DGKB: variants seen among roughly 807,000 people sequenced by gnomAD.
The protein encoded by DGKB is 90 kDa diacylglycerol kinase.
In DGKB, 67 loss-of-function variants were observed where a neutral mutation model predicts 114.3. The ratio of observed to expected loss-of-function variants is 0.59; its 90% CI spans 0.48 to 0.72. The LOEUF (loss-of-function observed/expected upper bound fraction) is 0.72. DGKB is among the 30% of genes least tolerant of loss of function. DGKB has a pLI of 0.00. For missense variants in DGKB, 907 were observed against 975.2 expected, an observed-to-expected ratio of 0.93 and a Z score of 0.93; for synonymous variants, 398 against 323.1, an observed-to-expected ratio of 1.23 and a Z score of -2.49.
At chr7:14,403,204 C>G (rs952951102) in intron 21 of DGKB, among the ~76,000 whole-genome samples, 1 of 151,666 alleles carries the variant, frequency 6.6e-6, no homozygotes, top group African/African-American at 2.4e-5. Context: ...CACAGACTCT[C>G]TCTTTTAATT....
upstream of DGKB, among the ~76,000 whole-genome samples, chr7:14,904,423 G>T (rs1205944359): frequency 2.0e-5 from 3 of 152,118 alleles, no homozygotes; most frequent in South Asian, 4.2e-4. Flanking sequence ...GTTAATCAGG[G>T]TTAAATTAAA....
intron 21 of DGKB, among the ~76,000 whole-genome samples, chr7:14,474,826 AG>A (rs1217000805): frequency 8.3e-6 from 1 of 120,062 alleles, no homozygotes; most frequent in Admixed American, 9.6e-5. Context: ...ATAAATATTT[AG>A]TTTTTTTTTT....
At chr7:14,345,418 T>C in intron 21 of DGKB, 27 bp from the exon 22 acceptor site, 1 of 1,227,776 alleles carries the variant, frequency 8.1e-7, no homozygotes, top group Non-Finnish European at 1.2e-6. Context: ...AGAAGCACCT[T>C]AGGCAATTAT....
intron 17 of DGKB, among the ~76,000 whole-genome samples, chr7:14,606,392 C>G (rs143555556): frequency 0.017 from 2,625 of 152,102 alleles, 33 homozygotes; most frequent in Non-Finnish European, 0.023. Context: ...TGATCCCAGA[C>G]AGCAGGCAGC....
At chr7:14,321,327 C>T (rs146339963) in intron 23 of DGKB, among the ~76,000 whole-genome samples, 317 of 152,016 alleles carry the variant, frequency 2.1e-3, no homozygotes, top group Non-Finnish European at 3.8e-3. Flanking sequence ...TCCACATTCA[C>T]AGGATAAAGA....
chr7:14,633,706 GA>G (rs1563739266), intron 13 of DGKB, among the ~76,000 whole-genome samples: 2 of 151,582 alleles, frequency 1.3e-5, no homozygotes, highest in Non-Finnish European at 3.0e-5. Context: ...TTTTTAATCA[GA>G]ATTAATACAG....
chr7:14,681,024 A>G (rs2128966043), intron 12 of DGKB, among the ~76,000 whole-genome samples: 1 of 152,128 alleles, frequency 6.6e-6, no homozygotes. Context: ...AGATATAACC[A>G]GTGAAATATT....
At chr7:14,927,256 C>T (rs1265332875) in intron 1 of DGKB, among the ~76,000 whole-genome samples, 1 of 151,922 alleles carries the variant, frequency 6.6e-6, no homozygotes, top group East Asian at 1.9e-4. Context: ...ACTATGACTT[C>T]CTTCTTTTCC....
chr7:14,190,474 G>T (rs1784129723), intron 23 of DGKB, among the ~76,000 whole-genome samples: 1 of 151,826 alleles, frequency 6.6e-6, no homozygotes, highest in Non-Finnish European at 1.5e-5. Flanking sequence ...CATCTCAAAG[G>T]CCTAGGATTT....
chr7:14,501,381 A>G (rs1563335814), intron 20 of DGKB, among the ~76,000 whole-genome samples: 1 of 151,488 alleles, frequency 6.6e-6, no homozygotes, highest in Non-Finnish European at 1.5e-5. Context: ...CTGATTGAGC[A>G]ACTTATAATT....
At chr7:14,855,691 T>C (rs1850047667) in intron 1 of DGKB, among the ~76,000 whole-genome samples, 1 of 152,192 alleles carries the variant, frequency 6.6e-6, no homozygotes, top group Non-Finnish European at 1.5e-5. Context: ...GATCATAATG[T>C]TTTTGGAAAG....
At chr7:14,729,592 TCCTTTCCCAC>T (rs1423990474) in intron 5 of DGKB, among the ~76,000 whole-genome samples, 1 of 152,162 alleles carries the variant, frequency 6.6e-6, no homozygotes, top group Non-Finnish European at 1.5e-5. Flanking sequence ...TCCTTTCACA[TCCTTTCCCAC>T]CCTTACTTAC....
chr7:14,908,164 T>C (rs1255833028), upstream of DGKB, among the ~76,000 whole-genome samples: 1 of 152,212 alleles, frequency 6.6e-6, no homozygotes, highest in African/African-American at 2.4e-5. Flanking sequence ...CCTCACTTTA[T>C]TATTTAGACC....
chr7:14,524,057 T>C (rs1474489092), intron 20 of DGKB, among the ~76,000 whole-genome samples: 2 of 152,164 alleles, frequency 1.3e-5, no homozygotes, highest in African/African-American at 4.8e-5. Context: ...TAATTTTGGA[T>C]CTTCTCCAAC....
At chr7:14,178,282 A>C in intron 23 of DGKB, 131 bp from the exon 24 acceptor site, 1 of 948,952 alleles carries the variant, frequency 1.1e-6, no homozygotes, top group African/African-American at 1.7e-5. Context: ...AGAAACTTAA[A>C]GTAATAAAAA....
At chr7:14,423,460 AAAATGAGTGTTCAAAT>A (rs1342896437) in intron 21 of DGKB, among the ~76,000 whole-genome samples, 10 of 152,106 alleles carry the variant, frequency 6.6e-5, no homozygotes, top group African/African-American at 2.4e-4. Context: ...TAGATTTTAC[AAAATGAGTGTTCAAAT>A]ATCATCTGGT....
intron 21 of DGKB, among the ~76,000 whole-genome samples, chr7:14,430,013 G>A (rs1206280529): frequency 6.6e-6 from 1 of 152,146 alleles, no homozygotes; most frequent in Non-Finnish European, 1.5e-5. Context: ...CTTCACTTGG[G>A]AAATGATTGC....
intron 23 of DGKB, among the ~76,000 whole-genome samples, chr7:14,300,053 G>T (rs570825673): frequency 6.6e-6 from 1 of 152,040 alleles, no homozygotes; most frequent in Non-Finnish European, 1.5e-5. Flanking sequence ...GGAAGAATAT[G>T]TTATCATACT....
At chr7:14,200,058 T>C (rs943088128) in intron 23 of DGKB, among the ~76,000 whole-genome samples, 1 of 152,046 alleles carries the variant, frequency 6.6e-6, no homozygotes, top group Non-Finnish European at 1.5e-5. Context: ...CTAGAACTTC[T>C]GGAGGCCAAC....
Sources: gnomAD v4.1 joint callset for allele counts (sites outside exome capture counted in the v4.1 genomes callset) on GRCh38, gnomAD v4.1.1 for gene constraint, MANE v1.5 for transcripts, NCBI Gene and HGNC (gene_info 2026-07-23, HGNC 2026-07-21) for gene names.